Variants in FSTL5 observed in about 807,000 individuals in gnomAD.
The protein encoded by FSTL5 is follistatin like 5.
FSTL5 carries 62 observed loss-of-function variants against 89.1 expected under a neutral mutation model. The observed-to-expected ratio is 0.70, with a 90% confidence interval of 0.57 to 0.86. FSTL5 has a LOEUF of 0.86. Among genes scored for constraint, FSTL5 ranks in the 40% least tolerant of loss-of-function variants. FSTL5 has a pLI of 0.00. For synonymous variants in FSTL5, 383 were observed against 346.2 expected (o/e 1.11, Z -1.18); for missense variants, 1,057 against 1,001.6 (o/e 1.06, Z -0.75).
intron 1 of FSTL5, among the ~76,000 whole-genome samples, chr4:162,123,977 C>A (rs1013498817): frequency 1.3e-5 from 2 of 151,906 alleles, no homozygotes; most frequent in African/African-American, 4.8e-5. Flanking sequence ...CACAGTTACA[C>A]CATGAGCTTT....
intron 8 of FSTL5, among the ~76,000 whole-genome samples, chr4:161,562,403 C>A (rs1250878580): frequency 6.6e-6 from 1 of 151,872 alleles, no homozygotes; most frequent in African/African-American, 2.4e-5. Flanking sequence ...ATCTGCCCAT[C>A]AATTTGGGGA....
chr4:162,016,515 G>A (rs955759589), intron 3 of FSTL5, among the ~76,000 whole-genome samples: 1 of 152,144 alleles, frequency 6.6e-6, no homozygotes, highest in Non-Finnish European at 1.5e-5. Flanking sequence ...ATAAGAAGTG[G>A]AGAAAATTTG....
chr4:161,849,036 G>A (rs1030486966), intron 4 of FSTL5, among the ~76,000 whole-genome samples: 1 of 152,084 alleles, frequency 6.6e-6, no homozygotes, highest in African/African-American at 2.4e-5. Flanking sequence ...TGATCTATCA[G>A]GGTCTCTATA....
intron 3 of FSTL5, among the ~76,000 whole-genome samples, chr4:162,005,073 C>A (rs1299415010): frequency 6.6e-6 from 1 of 152,124 alleles, no homozygotes. Context: ...TGTAATGTAT[C>A]CCTGCTAGAA....
At chr4:161,764,429 TTG>T (rs1185304255) in intron 5 of FSTL5, among the ~76,000 whole-genome samples, 1 of 152,052 alleles carries the variant, frequency 6.6e-6, no homozygotes, top group Non-Finnish European at 1.5e-5. Flanking sequence ...CAGCTAATTT[TTG>T]TGTTTTTAGT....
intron 7 of FSTL5, among the ~76,000 whole-genome samples, chr4:161,599,064 T>C (rs1012278187): frequency 2.6e-5 from 4 of 151,984 alleles, no homozygotes; most frequent in Middle Eastern, 3.2e-3. Flanking sequence ...CAAGCCATAA[T>C]TGGACAAAGC....
At chr4:161,429,610 A>T (rs1732283261) in intron 15 of FSTL5, among the ~76,000 whole-genome samples, 2 of 152,188 alleles carry the variant, frequency 1.3e-5, no homozygotes. Flanking sequence ...ACCACAAGGC[A>T]GTAACTTTCT....
chr4:161,999,196 G>C, intron 3 of FSTL5, among the ~76,000 whole-genome samples: 1 of 152,030 alleles, frequency 6.6e-6, no homozygotes, highest in East Asian at 1.9e-4. Flanking sequence ...TATGAAATTA[G>C]CTATTTAATG....
chr4:161,646,545 A>G (rs1207877252), intron 7 of FSTL5, among the ~76,000 whole-genome samples: 1 of 152,094 alleles, frequency 6.6e-6, no homozygotes, highest in Non-Finnish European at 1.5e-5. Flanking sequence ...TGAAAATTGC[A>G]TTATGTTTTG....
At chr4:162,145,730 G>T (rs1244196332) in intron 1 of FSTL5, among the ~76,000 whole-genome samples, 1 of 152,192 alleles carries the variant, frequency 6.6e-6, no homozygotes, top group African/African-American at 2.4e-5. Flanking sequence ...GAAGAATTAG[G>T]ATAATATTTC....
intron 10 of FSTL5, among the ~76,000 whole-genome samples, chr4:161,520,385 C>A (rs1730984012): frequency 6.6e-6 from 1 of 150,600 alleles, no homozygotes; most frequent in East Asian, 2.0e-4. Context: ...ATAAAATAGC[C>A]CATATTTGAA....
At chr4:161,992,507 G>A (rs1343450759) in intron 3 of FSTL5, among the ~76,000 whole-genome samples, 2 of 151,938 alleles carry the variant, frequency 1.3e-5, no homozygotes, top group East Asian at 3.9e-4. Context: ...AGGGGGAGGA[G>A]CAAGTATTCT....
At chr4:162,146,023 CATA>C (rs969547630) in intron 1 of FSTL5, among the ~76,000 whole-genome samples, 6 of 152,092 alleles carry the variant, frequency 3.9e-5, no homozygotes, top group African/African-American at 1.2e-4. Context: ...TTCACAGTTT[CATA>C]ATAATAGTTA....
chr4:161,606,264 T>G (rs1161274485), intron 7 of FSTL5, among the ~76,000 whole-genome samples: 1 of 138,618 alleles, frequency 7.2e-6, no homozygotes, highest in Non-Finnish European at 1.5e-5. Context: ...TTTTTTTTTT[T>G]GACGGAGTCT....
intron 3 of FSTL5, among the ~76,000 whole-genome samples, chr4:162,009,744 T>G (rs1306104291): frequency 1.3e-5 from 2 of 152,090 alleles, no homozygotes; most frequent in African/African-American, 4.8e-5. Flanking sequence ...TCCTACATTA[T>G]TCTATGAATG....
chr4:161,937,701 G>C (rs1734469658), intron 3 of FSTL5, among the ~76,000 whole-genome samples: 1 of 152,064 alleles, frequency 6.6e-6, no homozygotes, highest in African/African-American at 2.4e-5. Flanking sequence ...CCCTGATACT[G>C]AGTCAGCTAC....
At chr4:161,592,925 C>G (rs1733878713) in intron 7 of FSTL5, among the ~76,000 whole-genome samples, 1 of 152,176 alleles carries the variant, frequency 6.6e-6, no homozygotes, top group Non-Finnish European at 1.5e-5. Context: ...CACATCCTCT[C>G]TAGCTTTTTA....
At chr4:161,871,324 C>A (rs549906381) in intron 4 of FSTL5, among the ~76,000 whole-genome samples, 2 of 152,060 alleles carry the variant, frequency 1.3e-5, no homozygotes, top group South Asian at 2.1e-4. Context: ...GACTTATTGA[C>A]ATACTTAAAA....
chr4:161,684,861 T>C (rs1352823293), intron 6 of FSTL5, among the ~76,000 whole-genome samples: 2 of 152,208 alleles, frequency 1.3e-5, no homozygotes, highest in Non-Finnish European at 2.9e-5. Context: ...TTTCCAATGT[T>C]ATCTTGTAGA....
Sources: gnomAD v4.1 joint callset for allele counts (sites outside exome capture counted in the v4.1 genomes callset) on GRCh38, gnomAD v4.1.1 for gene constraint, MANE v1.5 for transcripts, NCBI Gene and HGNC (gene_info 2026-07-23, HGNC 2026-07-21) for gene names.